The following EML4 variants were observed in gnomAD, a reference collection of about 807,000 sequenced individuals.
EML4 encodes EMAP like 4.
EML4 carries 72 observed loss-of-function variants against 129.0 expected under a neutral mutation model. The observed-to-expected ratio is 0.56, with a 90% CI of 0.46 to 0.68. The LOEUF is 0.68. Ranked by LOEUF, EML4 falls within the 30% of genes least tolerant of loss-of-function variation. The pLI, the probability that EML4 is intolerant of heterozygous loss-of-function variation, is 0.00. For missense variants in EML4, 1,363 were observed against 1,190.6 expected, an observed-to-expected ratio of 1.14 and a Z score of -2.13; for synonymous variants, 532 against 405.0, an observed-to-expected ratio of 1.31 and a Z score of -3.77.
In EML4 at chr2:42,212,037, G is replaced by T. The variant is rs1672915435; in HGVS notation, c.26-33468G>T. On this transcript the variant is annotated intron_variant, in intron 1 of 22. Coordinates refer to ENST00000318522, the MANE Select transcript of EML4 (RefSeq NM_019063.5). ...TTATTTATATTTTTAGTAGAGATGG[G>T]GTTTTGCCATGTTGACCAGGCTGGT... 3.3e-5 allele frequency among the ~76,000 whole-genome samples: 5 copies of T among 152,042 alleles called. No homozygotes were observed. The South Asian group carries it at 1.0e-3, about 32-fold the overall frequency.
At chr2:42,183,127 C>A (rs936408062) in intron 1 of EML4, among the ~76,000 whole-genome samples, 1 of 152,112 alleles carries the variant, frequency 6.6e-6, no homozygotes, top group African/African-American at 2.4e-5. Context: ...TGAGCTCCAA[C>A]CTGGGTGACG....
intron 1 of EML4, among the ~76,000 whole-genome samples, chr2:42,186,609 T>G (rs1272211380): frequency 6.6e-6 from 1 of 152,234 alleles, no homozygotes; most frequent in Non-Finnish European, 1.5e-5. Flanking sequence ...CAGACTTCAT[T>G]GGACTTATTT....
chr2:42,311,296 A>G (rs1439227), intron 17 of EML4, among the ~76,000 whole-genome samples: 97,749 of 152,122 alleles, frequency 0.64, 32,752 homozygotes, highest in African/African-American at 0.83. Context: ...GGGCTGGTGC[A>G]GTGCTCACAC....
At chr2:42,175,593 G>A (rs1670553631) in intron 1 of EML4, among the ~76,000 whole-genome samples, 1 of 151,836 alleles carries the variant, frequency 6.6e-6, no homozygotes, top group Non-Finnish European at 1.5e-5. Flanking sequence ...CTGCCTCCTG[G>A]ATTCAAGCGA....
rs369261482 is a variant in EML4 at position 42,301,450 on chromosome 2, C to G, written c.1641+58C>G. 4 of 1,337,360 alleles carry G rather than the reference C, an allele frequency of 3.0e-6. No individual in the cohort carries two copies. The South Asian group carries it at 6.2e-5, about 21-fold the overall frequency. The allele number at this position is 1,337,360 out of a possible 1,614,324, so 82.8% of individuals were successfully genotyped here. On this transcript the variant is annotated intron_variant, in intron 14 of 22. Transcript: ENST00000318522. ...ATACTCTAAACTCAGGTATTTTGTC[C>G]CACATTAAGATAACTTATACTTTTC...
chr2:42,240,685 TAAAC>T (rs1319800340), intron 1 of EML4, among the ~76,000 whole-genome samples: 7 of 152,208 alleles, frequency 4.6e-5, no homozygotes, highest in Non-Finnish European at 1.0e-4. Flanking sequence ...GTGGCAATAA[TAAAC>T]AGTGCAATAA....
chr2:42,291,490 G>A (rs1237558146), intron 11 of EML4, among the ~76,000 whole-genome samples: 12 of 142,954 alleles, frequency 8.4e-5, no homozygotes, highest in South Asian at 4.6e-4. Flanking sequence ...TGCAGCCTCC[G>A]CCTCCTGGGT....
At chr2:42,254,151 G>A (rs1275396732) in intron 2 of EML4, among the ~76,000 whole-genome samples, 4 of 152,116 alleles carry the variant, frequency 2.6e-5, no homozygotes, top group African/African-American at 4.8e-5. Context: ...GTAAAAGAAC[G>A]GTAAAAATGC....
At position 42,248,195 on chromosome 2, in the gene EML4, C is replaced by CA. The variant is rs772376180; in HGVS notation, c.208+2511dup. Among the ~76,000 whole-genome samples the CA allele has an allele frequency of 7.2e-5, 11 of 151,956 alleles. No individual in the cohort carries two copies. In the South Asian group the frequency reaches 2.3e-3, roughly 32 times the overall value. On this transcript the variant is annotated intron_variant, in intron 2 of 22. Coordinates refer to ENST00000318522, the MANE Select transcript of EML4 (RefSeq NM_019063.5). ...CTCTCTATGTTGCCCAAGCTGGTCT[C>CA]AAACTCCTGGGCTCAAGTGATCTAC...
intron 20 of EML4, 74 bp from the exon 21 acceptor site, chr2:42,326,078 GTT>G (rs1486259055): frequency 7.6e-6 from 12 of 1,571,682 alleles, no homozygotes. Context: ...AACGTGGCTA[GTT>G]TGAATCAAGA....
intron 2 of EML4, among the ~76,000 whole-genome samples, chr2:42,254,685 A>G (rs1352651494): frequency 6.6e-6 from 1 of 151,838 alleles, no homozygotes; most frequent in Non-Finnish European, 1.5e-5. Flanking sequence ...GAATCCTCAT[A>G]CATTGCTAGT....
chr2:42,303,278 T>C, intron 15 of EML4, 37 bp from the exon 16 acceptor site: 1 of 1,614,050 alleles, frequency 6.2e-7, no homozygotes, highest in South Asian at 1.1e-5. Flanking sequence ...TATGATATTC[T>C]TTGGTTCTTA....
At chr2:42,311,052 C>T (rs574097759) in intron 17 of EML4, among the ~76,000 whole-genome samples, 61 of 152,244 alleles carry the variant, frequency 4.0e-4, no homozygotes, top group African/African-American at 1.4e-3. Context: ...AACTTAGGCA[C>T]GGTTTTGGTG....
chr2:42,296,022 T>G (rs144151487), intron 13 of EML4, among the ~76,000 whole-genome samples: 219 of 152,320 alleles, frequency 1.4e-3, no homozygotes, highest in South Asian at 3.9e-3. Flanking sequence ...AAACACAGAT[T>G]TATTCTTAAG....
chr2:42,297,893 A>AT (rs200868933), intron 13 of EML4, among the ~76,000 whole-genome samples: 1 of 152,068 alleles, frequency 6.6e-6, no homozygotes, highest in African/African-American at 2.4e-5. Context: ...GCTTTTATAT[A>AT]TTTTTTTCTT....
chr2:42,259,456 A>G (rs1665569924), intron 3 of EML4, among the ~76,000 whole-genome samples: 1 of 152,140 alleles, frequency 6.6e-6, no homozygotes, highest in Non-Finnish European at 1.5e-5. Context: ...AAAAGAATTT[A>G]TACTTAAATA....
At chr2:42,250,436 A>G (rs1221211833) in intron 2 of EML4, among the ~76,000 whole-genome samples, 48 of 152,212 alleles carry the variant, frequency 3.2e-4, no homozygotes, top group Admixed American at 3.1e-3. Context: ...CAGCTTAGGA[A>G]GGTATGAATT....
intron 1 of EML4, among the ~76,000 whole-genome samples, chr2:42,225,433 C>T (rs1320345722): frequency 1.3e-5 from 2 of 152,226 alleles, no homozygotes; most frequent in Non-Finnish European, 2.9e-5. Context: ...TGTATATCTT[C>T]TTTAGAGAAA....
chr2:42,283,519 C>T (rs1190344476), intron 8 of EML4, among the ~76,000 whole-genome samples: 2 of 151,878 alleles, frequency 1.3e-5, no homozygotes, highest in Non-Finnish European at 2.9e-5. Context: ...TTAATATTTT[C>T]CAACTTTTAT....
Sources: allele counts gnomAD v4.1 joint callset (sites outside exome capture counted in the v4.1 genomes callset), GRCh38; gene constraint gnomAD v4.1.1; transcripts MANE v1.5; gene names NCBI Gene and HGNC (gene_info 2026-07-23, HGNC 2026-07-21).